The following C22orf31 variants were observed in gnomAD, a reference collection of about 807,000 sequenced individuals.
The protein encoded by C22orf31 is chromosome 22 open reading frame 31.
Under a neutral mutation model 15.0 loss-of-function variants are expected in C22orf31, and 11 were observed. The observed-to-expected ratio is 0.73, with a 90% CI of 0.46 to 1.21. C22orf31 has a LOEUF of 1.21. Among genes scored for constraint, C22orf31 ranks in the 50% most tolerant of loss-of-function variants. The pLI, the probability that C22orf31 is intolerant of heterozygous loss-of-function variation, is 0.00. For synonymous variants in C22orf31, 132 were observed against 133.3 expected (o/e 0.99, Z 0.07); for missense variants, 340 against 347.2 (o/e 0.98, Z 0.17).
intron 2 of C22orf31, chr22:29,060,031 T>A (rs1398746497): frequency 4.4e-6 from 4 of 909,396 alleles, no homozygotes; most frequent in Non-Finnish European, 5.2e-6. Context: ...CTTTTTTTTT[T>A]TTTTTTTTTT....
At chr22:29,064,123 C>T (rs765411086), upstream of C22orf31, among the ~76,000 whole-genome samples, 11 of 152,196 alleles carry the variant, frequency 7.2e-5, no homozygotes, top group Non-Finnish European at 1.5e-4. Context: ...CTGCCTTGGC[C>T]TCCCAAAGTG....
chr22:29,069,359 A>C, the C22orf31 span, among the ~76,000 whole-genome samples: 7 of 152,150 alleles, frequency 4.6e-5, no homozygotes, highest in Non-Finnish European at 7.4e-5. Flanking sequence ...AGCAGAAATC[A>C]TCCCAACTGG....
chr22:29,062,053 C>A (rs2037397109), upstream of C22orf31, among the ~76,000 whole-genome samples: 1 of 152,088 alleles, frequency 6.6e-6, no homozygotes, highest in African/African-American at 2.4e-5. Context: ...GGTGTTACAT[C>A]ATCAGATTTT....
At chr22:29,059,810 C>A in intron 2 of C22orf31, 1 of 985,136 alleles carries the variant, frequency 1.0e-6, no homozygotes, top group Non-Finnish European at 1.2e-6. Context: ...CATATCCTAG[C>A]CTTCCTTCTC....
At chr22:29,061,606 T>C (rs1328409514) in intron 1 of C22orf31, among the ~76,000 whole-genome samples, 184 bp downstream of exon 1, 1 of 152,066 alleles carries the variant, frequency 6.6e-6, no homozygotes, top group East Asian at 1.9e-4. Context: ...CAAGAAGAGC[T>C]CATTCACAGG....
chr22:29,066,977 A>AC, the C22orf31 span, among the ~76,000 whole-genome samples: 23 of 151,640 alleles, frequency 1.5e-4, no homozygotes, highest in East Asian at 4.1e-3. Flanking sequence ...CTCTTCCTTC[A>AC]CCCCCATCAG....
At chr22:29,064,322 C>T (rs1448609289), upstream of C22orf31, among the ~76,000 whole-genome samples, 2 of 152,184 alleles carry the variant, frequency 1.3e-5, no homozygotes, top group African/African-American at 4.8e-5. Context: ...CCTGTGATGG[C>T]ATCCCAGATC....
Position 29,060,822 on chromosome 22 carries a change from C to G in C22orf31, c.25G>C (p.Asp9His). 6.2e-7 allele frequency: 1 copy of G among 1,613,606 alleles called. No homozygotes were observed. Among genetic ancestry groups the G allele is most frequent in the Non-Finnish European group, 8.5e-7 (1 of 1,179,654 alleles). ...AGTCCATAGATAGGGATGCTGGGGT[C>G]TCGTCTCACATTGATTGGGTGCTAG... MHPINVRR[D>H]PSIPIYGLRQ... The change falls in exon 2 of 3, where the codon GAC becomes CAC. Residue 9 changes from aspartate to histidine, a missense_variant. Coordinates refer to ENST00000216071, the MANE Select transcript of C22orf31 (RefSeq NM_015370.2).
intron 2 of C22orf31, chr22:29,059,893 T>G (rs957793581): frequency 1.0e-6 from 1 of 985,190 alleles, no homozygotes; most frequent in Non-Finnish European, 1.2e-6. Context: ...CTAAGCATAG[T>G]GTAAATGATA....
At position 29,060,277 on chromosome 22, in the gene C22orf31, C is replaced by A. The variant is rs1024869742; in HGVS notation, c.432+138G>T. 1.7e-5 allele frequency: 13 copies of A among 787,208 alleles called. No individual in the cohort carries two copies. The African/African-American group carries it at 2.3e-4, about 14-fold the overall frequency. The allele number at this position is 787,208 out of a possible 1,614,324, so 48.8% of individuals were successfully genotyped here. A position where few individuals can be genotyped will look rare whatever the true frequency, so the allele number is the denominator to read the frequency against. ...GAACTCTCTGAGCTCAAGTGATCCT[C>A]CCTGCTTGGCCTCCCAAAGTGCTGA... On this transcript the variant is annotated intron_variant, in intron 2 of 2. Coordinates refer to ENST00000216071, the MANE Select transcript of C22orf31 (RefSeq NM_015370.2).
Position 29,060,729 on chromosome 22 carries a change from T to C in C22orf31, c.118A>G (p.Ile40Val), listed in dbSNP as rs1247251681. The C allele has an allele frequency of 6.2e-7, 1 of 1,614,152 alleles. No homozygotes were observed. Among genetic ancestry groups the C allele is most frequent in the African/African-American group, 1.3e-5 (1 of 75,038 alleles). Residue 40 changes from isoleucine to valine, a missense_variant, in exon 2 of 3, where the codon ATC (isoleucine) becomes GTC (valine). Ile to Val is a conservative substitution (Grantham distance 29, BLOSUM62 3). Transcript: ENST00000216071. The part of the protein sequence containing the change: ...CYVDSPALTN[I>V]WMARTCAKQN... Reference sequence around the variant, plus strand: ...TTTGCACATGTTCTGGCCATCCAGATGTTGGTGAGAGCCGGTGAGTCCACA... The same window carrying C: ...TTTGCACATGTTCTGGCCATCCAGACGTTGGTGAGAGCCGGTGAGTCCACA...
intron 1 of C22orf31, among the ~76,000 whole-genome samples, chr22:29,061,183 T>C (rs2037387481): frequency 6.6e-6 from 1 of 152,184 alleles, no homozygotes; most frequent in Non-Finnish European, 1.5e-5. Context: ...GACTTCCATA[T>C]GAGCTGTAGA....
At chr22:29,063,902 T>G (rs2037412492), upstream of C22orf31, among the ~76,000 whole-genome samples, 1 of 152,046 alleles carries the variant, frequency 6.6e-6, no homozygotes, top group Non-Finnish European at 1.5e-5. Flanking sequence ...AGTTTCACTC[T>G]TGTCACCCAG....
chr22:29,059,185 A>G lies in C22orf31; in HGVS notation c.433-3T>C, dbSNP rs372284586. ...TTCTCCTTTGAACTTTCTTTACTCT[A>G]GCCAGGAAGAAAGCAGAGAAGTCAA... On this transcript the variant is annotated splice_region_variant and splice_polypyrimidine_tract_variant and intron_variant, in intron 2 of 2. Coordinates refer to ENST00000216071, the MANE Select transcript of C22orf31 (RefSeq NM_015370.2). 4.7e-5 allele frequency: 75 copies of G among 1,583,902 alleles called. No individual in the cohort carries two copies. The highest frequency in any genetic ancestry group is 6.3e-5 in the Non-Finnish European group (73 of 1,166,508).
upstream of C22orf31, among the ~76,000 whole-genome samples, chr22:29,064,468 G>A (rs1354906845): frequency 6.6e-6 from 1 of 152,046 alleles, no homozygotes; most frequent in Non-Finnish European, 1.5e-5. Context: ...ACTTGGCATG[G>A]CTCCTGGTGT....
At chr22:29,073,160 G>A in the C22orf31 span, 2 of 1,153,320 alleles carry the variant, frequency 1.7e-6, no homozygotes, top group Non-Finnish European at 2.1e-6. This position sits in a 1 kb window ranked among gnomAD's most constrained non-coding sequence, Gnocchi z 4.4. Context: ...GCCTCGCCCT[G>A]CTCTCCGCCG....
chr22:29,060,100 T>C (rs2037371545), intron 2 of C22orf31: 2 of 453,956 alleles, frequency 4.4e-6, no homozygotes, highest in Admixed American at 6.6e-5. Context: ...AGTGCAATCA[T>C]GGCTCACTGC....
chr22:29,067,432 C>A, the C22orf31 span, among the ~76,000 whole-genome samples: 7 of 151,656 alleles, frequency 4.6e-5, no homozygotes, highest in Non-Finnish European at 8.8e-5. Flanking sequence ...TATTAATTTT[C>A]TTTTTTCTTC....
upstream of C22orf31, among the ~76,000 whole-genome samples, chr22:29,065,830 C>T (rs911361708): frequency 3.3e-5 from 5 of 152,220 alleles, no homozygotes; most frequent in Admixed American, 2.0e-4. Flanking sequence ...AGCAGTAGGG[C>T]TTCCATGTTG....
Sources: allele counts gnomAD v4.1 joint callset (sites outside exome capture counted in the v4.1 genomes callset), GRCh38; gene constraint gnomAD v4.1.1; non-coding constraint Gnocchi (gnomAD v3.1); transcripts MANE v1.5; gene names NCBI Gene and HGNC (gene_info 2026-07-23, HGNC 2026-07-21).